Variants in LRRC24 observed in about 807,000 individuals in gnomAD.
LRRC24 encodes leucine rich repeat containing 24.
LRRC24 carries 19 observed loss-of-function variants against 15.3 expected under a neutral mutation model. That is an observed-to-expected ratio of 1.25 (90% CI 0.87 to 1.83). The LOEUF (loss-of-function observed/expected upper bound fraction) is 1.83, where lower values mean the gene tolerates loss of function less well. LRRC24 is among the 40% of genes most tolerant of loss of function. The probability of loss-of-function intolerance (pLI) is 0.00; values close to 1 mark genes in which losing one functional copy is unlikely to be tolerated. For missense variants in LRRC24, 914 were observed against 723.9 expected (o/e 1.26, Z -3.01); for synonymous variants, 469 against 359.6 (o/e 1.30, Z -3.44).
rs1194512229 is a variant in LRRC24, at chr8:144,523,050, A to T, written c.967T>A (p.Ser323Thr). 6.2e-7 allele frequency: 1 copy of T among 1,603,788 alleles called. No individual in the cohort carries two copies. The highest frequency in any genetic ancestry group is 8.5e-7 in the Non-Finnish European group (1 of 1,176,934). Reference sequence around the variant, plus strand: ...AAGAGCATGCCGCTGCCCGTGTCGGATGCCGAGTGTCCGCCCAGGCCCAGC... The same window carrying T: ...AAGAGCATGCCGCTGCCCGTGTCGGTTGCCGAGTGTCCGCCCAGGCCCAGC... ...GLLGLGGHSA[S>T]DTGSGMLFLS... The change falls in exon 5 of 5, where the codon TCC (serine) becomes ACC (threonine). Residue 323 changes from serine (S) to threonine (T), a missense_variant. By Grantham distance (58) the Ser-to-Thr change is moderately conservative. Transcript: ENST00000529415.
At chr8:144,524,774 C>G (rs142427031) in intron 2 of LRRC24, 42 bp downstream of exon 2, 2 of 1,436,078 alleles carry the variant, frequency 1.4e-6, no homozygotes, top group African/African-American at 3.0e-5. Flanking sequence ...CTTCCTCTCC[C>G]TGGGGGCACC....
At position 144,524,979 on chromosome 8, in the gene LRRC24, C is replaced by A; in HGVS notation, c.-5G>T. The A allele has an allele frequency of 6.9e-7, 1 of 1,447,930 alleles. No homozygotes were observed. Among genetic ancestry groups the A allele is most frequent in the South Asian group, 1.4e-5 (1 of 73,942 alleles). 89.7% of individuals were successfully genotyped at this position (1,447,930 alleles called of 1,614,324 possible). ...TGCGGGGGCCCTCAGGGCCATCTCC[C>A]GAGGCCCGGTTCCTCACCGGCCCTT... On this transcript the variant is annotated 5_prime_UTR_variant, in exon 2 of 5. Transcript: ENST00000529415.
At position 144,522,726 on chromosome 8, in the gene LRRC24, T is replaced by C; in HGVS notation, c.1291A>G (p.Arg431Gly). The C allele has an allele frequency of 6.3e-7, 1 of 1,593,266 alleles. No individual in the cohort carries two copies. The highest frequency in any genetic ancestry group is 8.5e-7 in the Non-Finnish European group (1 of 1,171,266). Residue 431 changes from arginine to glycine, a missense_variant, in exon 5 of 5, where the codon AGG (arginine) becomes GGG (glycine). Arg to Gly is a moderately radical substitution (Grantham distance 125). Coordinates refer to ENST00000529415, the MANE Select transcript of LRRC24 (RefSeq NM_001024678.4). ...LVAMICRRRR[R>G]RKKARGPPGE... ...GGAGGCCCCCGCGCCTTTTTTCGCC[T>C]GCGGCGCCGGCGACAGATCATGGCG... is the stretch of plus-strand genomic sequence containing the variant.
chr8:144,524,814 A>C lies in LRRC24; in HGVS notation c.159+2T>G. 1 of 1,464,186 alleles carries C rather than the reference A, an allele frequency of 6.8e-7. No individual in the cohort carries two copies. The highest frequency in any genetic ancestry group is 9.0e-7 in the Non-Finnish European group (1 of 1,108,678). The allele number at this position is 1,464,186 out of a possible 1,614,324, so 90.7% of individuals were successfully genotyped here. ...CCTCCCGCAGCTCCACACGGTGCCCACCTGCGTCCCTGGCGGGATTCCCAG... is the reference window on the plus strand; with the variant it reads ...CCTCCCGCAGCTCCACACGGTGCCCCCCTGCGTCCCTGGCGGGATTCCCAG... On this transcript the variant is annotated splice_donor_variant, in intron 2 of 4. Coordinates refer to ENST00000529415, the MANE Select transcript of LRRC24 (RefSeq NM_001024678.4). LOFTEE classifies it high-confidence loss of function.
In LRRC24 at chr8:144,524,444, C is replaced by T. The variant is rs373111969; in HGVS notation, c.435G>A (p.Leu145=). The change falls in exon 3 of 5, where the codon CTG becomes CTA. Residue 145 remains leucine (L), a synonymous_variant. Coordinates refer to ENST00000529415, the MANE Select transcript of LRRC24 (RefSeq NM_001024678.4). The part of the protein sequence containing the change: ...ARLLDFTFLH[L]PRLQELHLQE... ...CCTTTAGACCCCAGGCGCTCACCGG[C>T]AGGTGCAAGAAGGTGAAATCCAGCA... 6.3e-5 allele frequency: 100 copies of T among 1,597,798 alleles called. No homozygotes were observed. The African/African-American group carries it at 1.0e-3, about 16-fold the overall frequency.
chr8:144,523,109 C>A lies in LRRC24; in HGVS notation c.908G>T (p.Arg303Leu), dbSNP rs749089962. The A allele has an allele frequency of 1.6e-5, 26 of 1,609,176 alleles. No individual in the cohort carries two copies. In the South Asian group the frequency reaches 2.9e-4, roughly 18 times the overall value. The stretch of plus-strand genomic sequence containing the variant: ...TTCTAGCTGGGCCTGGGCTCGCGGC[C>A]GGCCCTCGCGAGGCTGGGGCACCTT... ...WRKVPQPREG[R>L]PRAQAQLEGG... The change falls in exon 5 of 5, where the codon CGG becomes CTG. Residue 303 changes from arginine (R) to leucine (L), a missense_variant. Transcript: ENST00000529415.
rs114251607 is a variant in LRRC24, at chr8:144,524,616, G to A, written c.263C>T (p.Ala88Val). The A allele has an allele frequency of 1.5e-3, 2,363 of 1,524,668 alleles. 35 individuals carry two copies. In the African/African-American group the frequency reaches 0.031, roughly 20 times the overall value. 94.4% of individuals were successfully genotyped at this position (1,524,668 alleles called of 1,614,324 possible). ...RLYLHNNSLRALEAGAFRAQP... is the reference protein window; with the variant it reads ...RLYLHNNSLRVLEAGAFRAQP... The stretch of plus-strand genomic sequence containing the variant: ...CGCGCGGAAGGCGCCGGCCTCCAGG[G>A]CGCGCAGGCTGTTGTTGTGCAGGTA... Residue 88 changes from alanine to valine, a missense_variant, in exon 3 of 5, where the codon GCC (alanine) becomes GTC (valine). Physicochemically the swap from Ala to Val is moderately conservative, Grantham distance 64 (BLOSUM62 0). Coordinates refer to ENST00000529415, the MANE Select transcript of LRRC24 (RefSeq NM_001024678.4).
In LRRC24 at chr8:144,522,627, C is replaced by A; in HGVS notation, c.1390G>T (p.Asp464Tyr). 1 of 1,575,690 alleles carries A rather than the reference C, an allele frequency of 6.3e-7. No homozygotes were observed. Among genetic ancestry groups the A allele is most frequent in the Non-Finnish European group, 8.6e-7 (1 of 1,163,436 alleles). ...ACGAACATCTCGTGGCCGCGCTCGT[C>A]GCGGAGCTCCTCTAGCTGTGCGAAC... ...CTFAQLEELR[D>Y]ERGHEMFVIN... Residue 464 changes from aspartate (D) to tyrosine (Y), a missense_variant, in exon 5 of 5, where the codon GAC becomes TAC. Transcript: ENST00000529415.
At position 144,522,494 on chromosome 8, in the gene LRRC24, G is replaced by A; in HGVS notation, c.1523C>T (p.Ala508Val). The A allele has an allele frequency of 2.0e-6, 3 of 1,495,242 alleles. No individual in the cohort carries two copies. Among genetic ancestry groups the A allele is most frequent in the Admixed American group, 4.8e-5 (2 of 41,986 alleles). The allele number at this position is 1,495,242 out of a possible 1,614,324, so 92.6% of individuals were successfully genotyped here. ...GCGGCCCTAGCAGTGGATCTCGTAG[G>A]CGACCGGCGGGGGCACGCGGAGTCC... ...GPGLRVPPPV[A>V]YEIHC is the part of the protein sequence containing the mutation. Residue 508 changes from alanine to valine, a missense_variant, in exon 5 of 5, where the codon GCC (alanine) becomes GTC (valine). By Grantham distance (64) the Ala-to-Val change is moderately conservative. Transcript: ENST00000529415.
chr8:144,522,589 G>A lies in LRRC24; in HGVS notation c.1428C>T (p.Ser476=), dbSNP rs1321828380. Residue 476 remains serine, a synonymous_variant, in exon 5 of 5, where the codon TCC becomes TCT. Coordinates refer to ENST00000529415, the MANE Select transcript of LRRC24 (RefSeq NM_001024678.4). ...CCGGACCCTCGGCGAAGAGCGGCTT[G>A]GAGCGGTTGATGACGAACATCTCGT... ...RGHEMFVINR[S]KPLFAEGPAE... The A allele has an allele frequency of 6.4e-7, 1 of 1,561,992 alleles. No individual in the cohort carries two copies. Among genetic ancestry groups the A allele is most frequent in the South Asian group, 1.2e-5 (1 of 85,218 alleles).
rs766637894 is a variant in LRRC24 at position 144,523,006 on chromosome 8, C to T, written c.1011G>A (p.Leu337=). ...CGCACTCGTACTTACCGGCGTGCGC[C>T]AGCGTGATGTTGCTGAGGAAGAGCA... The part of the protein sequence containing the change: ...SGMLFLSNIT[L]AHAGKYECEA... The change falls in exon 5 of 5, where the codon CTG becomes CTA. Residue 337 remains leucine, a synonymous_variant. Transcript: ENST00000529415. The T allele has an allele frequency of 1.9e-6, 3 of 1,596,394 alleles. No homozygotes were observed. Among genetic ancestry groups the T allele is most frequent in the East Asian group, 2.2e-5 (1 of 44,644 alleles).
chr8:144,525,303 T>G, intron 1 of LRRC24: 4 of 204,998 alleles, frequency 2.0e-5, no homozygotes, highest in East Asian at 1.1e-4. Flanking sequence ...TCTCCACCCA[T>G]GCCCAGCAGG....
In LRRC24 at chr8:144,523,269, C is replaced by A; in HGVS notation, c.748G>T (p.Val250Leu). The A allele has an allele frequency of 6.2e-7, 1 of 1,610,824 alleles. No individual in the cohort carries two copies. The highest frequency in any genetic ancestry group is 8.5e-7 in the Non-Finnish European group (1 of 1,179,132). The change falls in exon 5 of 5, where the codon GTA becomes TTA. Residue 250 changes from valine (V) to leucine (L), a missense_variant. Coordinates refer to ENST00000529415, the MANE Select transcript of LRRC24 (RefSeq NM_001024678.4). ...ATGCAGATGAGGCTGCTGTGGGATA[C>A]GTCCAGGAGACTCTGGAGCGCCAGG... ...PRLALQSLLD[V>L]SHSSLICIPP...
chr8:144,525,775 G>C (rs1470618379), intron 1 of LRRC24: 1 of 152,162 alleles, frequency 6.6e-6, no homozygotes, highest in Non-Finnish European at 1.5e-5. Flanking sequence ...TGTCTTTGGG[G>C]ATAGATGGGG....
rs1272576813 is a variant in LRRC24 at position 144,524,479 on chromosome 8, G to C, written c.400C>G (p.Leu134Val). ...LRVLYLAGNQ[L>V]ARLLDFTFLH... Reference sequence around the variant, plus strand: ...AAGGTGAAATCCAGCAGCCGCGCCAGCTGGTTGCCCGCCAGGTAGAGCACG... The same window carrying C: ...AAGGTGAAATCCAGCAGCCGCGCCACCTGGTTGCCCGCCAGGTAGAGCACG... The change falls in exon 3 of 5, where the codon CTG (leucine) becomes GTG (valine). Residue 134 changes from leucine to valine, a missense_variant. Coordinates refer to ENST00000529415, the MANE Select transcript of LRRC24 (RefSeq NM_001024678.4). The C allele has an allele frequency of 6.3e-7, 1 of 1,597,832 alleles. No homozygotes were observed. Among genetic ancestry groups the C allele is most frequent in the Admixed American group, 1.7e-5 (1 of 59,980 alleles).
chr8:144,522,630 G>A lies in LRRC24; in HGVS notation c.1387C>T (p.Arg463Cys). 6.3e-7 allele frequency: 1 copy of A among 1,577,188 alleles called. No homozygotes were observed. Among genetic ancestry groups the A allele is most frequent in the African/African-American group, 1.4e-5 (1 of 71,982 alleles). The change falls in exon 5 of 5, where the codon CGC (arginine) becomes TGC (cysteine). Residue 463 changes from arginine to cysteine, a missense_variant. By Grantham distance (180) the Arg-to-Cys change is radical. Coordinates refer to ENST00000529415, the MANE Select transcript of LRRC24 (RefSeq NM_001024678.4). Reference sequence around the variant, plus strand: ...AACATCTCGTGGCCGCGCTCGTCGCGGAGCTCCTCTAGCTGTGCGAACGTA... The same window carrying A: ...AACATCTCGTGGCCGCGCTCGTCGCAGAGCTCCTCTAGCTGTGCGAACGTA... The part of the protein sequence containing the change: ...PCTFAQLEEL[R>C]DERGHEMFVI...
At chr8:144,523,441 G>A (rs1286323758) in intron 4 of LRRC24, 32 bp from the exon 5 acceptor site, 4 of 1,506,882 alleles carry the variant, frequency 2.7e-6, no homozygotes, top group Admixed American at 4.5e-5. Context: ...CAGGTGGCTT[G>A]AGGGTGCTGC....
At chr8:144,524,786 C>G (rs1209693700) in intron 2 of LRRC24, 30 bp downstream of exon 2, 1 of 1,436,108 alleles carries the variant, frequency 7.0e-7, no homozygotes, top group East Asian at 2.6e-5. Context: ...GGGGGCACCC[C>G]GTCCTCCCGC....
Position 144,522,609 on chromosome 8 carries a change from T to C in LRRC24, c.1408A>G (p.Met470Val). The change falls in exon 5 of 5, where the codon ATG becomes GTG. Residue 470 changes from methionine to valine, a missense_variant. By Grantham distance (21) the Met-to-Val change is conservative. Transcript: ENST00000529415. Reference sequence around the variant, plus strand: ...GGCTTGGAGCGGTTGATGACGAACATCTCGTGGCCGCGCTCGTCGCGGAGC... The same window carrying C: ...GGCTTGGAGCGGTTGATGACGAACACCTCGTGGCCGCGCTCGTCGCGGAGC... Reference protein sequence around the residue: ...EELRDERGHEMFVINRSKPLF... With the variant: ...EELRDERGHEVFVINRSKPLF... 1 of 1,570,620 alleles carries C rather than the reference T, an allele frequency of 6.4e-7. No individual in the cohort carries two copies. Among genetic ancestry groups the C allele is most frequent in the South Asian group, 1.2e-5 (1 of 86,112 alleles).
Sources: gnomAD v4.1 joint callset for allele counts on GRCh38, gnomAD v4.1.1 for gene constraint, MANE v1.5 for transcripts, NCBI Gene and HGNC (gene_info 2026-07-23, HGNC 2026-07-21) for gene names.